Variants in DOCK3 observed in about 807,000 individuals in gnomAD.
DOCK3 encodes dedicator of cytokinesis 3.
Under a neutral mutation model 265.6 loss-of-function variants are expected in DOCK3, and 60 were observed. The observed-to-expected ratio is 0.23, with a 90% CI of 0.18 to 0.28. The LOEUF (loss-of-function observed/expected upper bound fraction) is 0.28, where lower values mean the gene tolerates loss of function less well. Ranked by LOEUF, DOCK3 falls within the 10% of genes least tolerant of loss-of-function variation. DOCK3 has a pLI of 1.00. For synonymous variants in DOCK3, 881 were observed against 938.0 expected (o/e 0.94, Z 1.11); for missense variants, 1,981 against 2,594.3 (o/e 0.76, Z 5.14).
At chr3:50,945,296 G>T (rs945221768) in intron 5 of DOCK3, among the ~76,000 whole-genome samples, 1 of 152,048 alleles carries the variant, frequency 6.6e-6, no homozygotes, top group Non-Finnish European at 1.5e-5. Context: ...ATTTAAGTGG[G>T]TATGTATGAT....
chr3:50,739,122 A>G (rs1220682106), intron 1 of DOCK3, among the ~76,000 whole-genome samples: 1 of 152,148 alleles, frequency 6.6e-6, no homozygotes, highest in Non-Finnish European at 1.5e-5. Flanking sequence ...TCTCTAATCT[A>G]CTAGTTTCCT....
At chr3:51,355,969 C>A in intron 41 of DOCK3, 120 bp from the exon 42 acceptor site, 1 of 1,290,068 alleles carries the variant, frequency 7.8e-7, no homozygotes, top group Non-Finnish European at 1.1e-6. Context: ...GCCTCCCCTA[C>A]TGGGCTGTCA....
rs1034933420 is a variant in DOCK3, at chr3:51,326,265, T to A, written c.3403-3873T>A. ...AAGCTCCTAATTTTATTTTTTTTAA[T>A]TTTTTTTTTTTTTGAGACGGAGTCT... On this transcript the variant is annotated intron_variant, in intron 32 of 52. Coordinates refer to ENST00000266037, the MANE Select transcript of DOCK3 (RefSeq NM_004947.5). Among the ~76,000 whole-genome samples, 15 of 2,138 alleles carry A rather than the reference T, an allele frequency of 7.0e-3. No individual in the cohort carries two copies. The African/African-American group carries it at 0.08, about 11-fold the overall frequency. 1.4% of individuals were successfully genotyped at this position (2,138 alleles called of 152,430 possible).
In DOCK3 at chr3:51,361,754, G is replaced by C. The variant is rs2086753086; in HGVS notation, c.5007-105G>C. The C allele has an allele frequency of 6.9e-7, 1 of 1,445,992 alleles. No individual in the cohort carries two copies. Among genetic ancestry groups the C allele is most frequent in the Non-Finnish European group, 9.3e-7 (1 of 1,074,844 alleles). The allele number at this position is 1,445,992 out of a possible 1,614,324, so 89.6% of individuals were successfully genotyped here. A position where few individuals can be genotyped will look rare whatever the true frequency, so the allele number is the denominator to read the frequency against. ...ATTGACTATGGAACCCTCCAAACCG[G>C]TGGTAGCTGAAACCAGGGATGACTA... On this transcript the variant is annotated intron_variant, in intron 47 of 52. Coordinates refer to ENST00000266037, the MANE Select transcript of DOCK3 (RefSeq NM_004947.5). The surrounding 1 kb of genome is among the most constrained non-coding windows in gnomAD (Gnocchi z 4.2).
At chr3:51,304,434 A>C (rs1314291843) in intron 27 of DOCK3, among the ~76,000 whole-genome samples, 2 of 150,534 alleles carry the variant, frequency 1.3e-5, no homozygotes, top group Non-Finnish European at 3.0e-5. Context: ...CAGGATGATG[A>C]CCTCCCCTCC....
intron 3 of DOCK3, among the ~76,000 whole-genome samples, chr3:50,871,055 T>G (rs939161824): frequency 1.8e-4 from 27 of 152,242 alleles, no homozygotes; most frequent in African/African-American, 5.1e-4. Flanking sequence ...GTTACAGTTT[T>G]ATATATAATA....
chr3:51,363,560 A>G (rs907628559), intron 49 of DOCK3, among the ~76,000 whole-genome samples: 5 of 152,238 alleles, frequency 3.3e-5, no homozygotes, highest in Non-Finnish European at 7.3e-5. Flanking sequence ...CTATGTATAC[A>G]TGTGCCATGT....
chr3:51,249,320 G>A (rs1461621787), intron 22 of DOCK3, among the ~76,000 whole-genome samples: 7 of 146,890 alleles, frequency 4.8e-5, no homozygotes, highest in African/African-American at 1.8e-4. Flanking sequence ...CCGTCCGGGA[G>A]GGAGGTGGGG....
intron 21 of DOCK3, among the ~76,000 whole-genome samples, chr3:51,241,731 T>C (rs938980010): frequency 1.3e-5 from 2 of 152,218 alleles, no homozygotes; most frequent in Non-Finnish European, 2.9e-5. Context: ...ATACTTGCAA[T>C]TGCATTCTGA....
rs60885870 is a variant in DOCK3 at position 50,855,379 on chromosome 3, ATGTTG to A, written c.162+13689_162+13693del. Among the ~76,000 whole-genome samples the A allele has an allele frequency of 1.3e-3, 197 of 151,576 alleles. 1 individual carries two copies. The highest frequency in any genetic ancestry group is 6.8e-3 in the Middle Eastern group (2 of 294). ...GTATTCCTAGGTATTGTATTGTATT[ATGTTG>A]TGTTGTGTTGTGTTGTGTTGTGTTT... On this transcript the variant is annotated intron_variant, in intron 3 of 52. Transcript: ENST00000266037.
At chr3:51,072,091 T>C (rs1387570689) in intron 6 of DOCK3, among the ~76,000 whole-genome samples, 1 of 152,228 alleles carries the variant, frequency 6.6e-6, no homozygotes, top group Admixed American at 6.5e-5. Flanking sequence ...CACTCTGCTC[T>C]CAAGAGAGGA....
At chr3:50,875,904 G>A (rs2047680360) in intron 3 of DOCK3, among the ~76,000 whole-genome samples, 1 of 150,426 alleles carries the variant, frequency 6.6e-6, no homozygotes, top group East Asian at 2.0e-4. Flanking sequence ...TCGCCTGTTC[G>A]CTGTTGAGAT....
At chr3:51,136,742 C>T (rs774525544) in intron 9 of DOCK3, among the ~76,000 whole-genome samples, 1 of 151,890 alleles carries the variant, frequency 6.6e-6, no homozygotes, top group African/African-American at 2.4e-5. Context: ...TAGAAAGAAC[C>T]CTTGCATTAT....
Position 50,933,962 on chromosome 3 carries a change from T to C in DOCK3, c.219-19T>C. On this transcript the variant is annotated intron_variant, in intron 4 of 52. Transcript: ENST00000266037. The stretch of plus-strand genomic sequence containing the variant: ...TTTTTCAGAGATAATGTGGCTGTCT[T>C]TTGTGGCTCTGGTTCTAGGCAGTAT... 1 of 1,528,904 alleles carries C rather than the reference T, an allele frequency of 6.5e-7. No homozygotes were observed. The highest frequency in any genetic ancestry group is 8.9e-7 in the Non-Finnish European group (1 of 1,126,708). The allele number at this position is 1,528,904 out of a possible 1,614,324, so 94.7% of individuals were successfully genotyped here.
chr3:50,937,890 A>T (rs1282203532), intron 5 of DOCK3, among the ~76,000 whole-genome samples: 1 of 152,126 alleles, frequency 6.6e-6, no homozygotes, highest in African/African-American at 2.4e-5. Context: ...AAAATGGCAG[A>T]CTTAAATCCT....
intron 17 of DOCK3, 140 bp downstream of exon 17, chr3:51,228,228 T>G: frequency 1.3e-6 from 1 of 791,090 alleles, no homozygotes; most frequent in South Asian, 1.7e-5. Context: ...GTGGGACATC[T>G]GTGGGCAGGC....
intron 52 of DOCK3, 73 bp from the exon 53 acceptor site, chr3:51,380,977 T>C: frequency 6.7e-7 from 1 of 1,500,938 alleles, no homozygotes; most frequent in South Asian, 1.3e-5. Flanking sequence ...AGCAGGCTCT[T>C]GGTCTTCCTA....
chr3:50,751,563 A>G (rs1418795775), intron 1 of DOCK3, among the ~76,000 whole-genome samples: 1 of 152,200 alleles, frequency 6.6e-6, no homozygotes, highest in African/African-American at 2.4e-5. Context: ...GTTAACTGAG[A>G]TTCATAGTAG....
At chr3:50,936,133 G>A (rs1361535924) in intron 5 of DOCK3, among the ~76,000 whole-genome samples, 1 of 151,930 alleles carries the variant, frequency 6.6e-6, no homozygotes, top group African/African-American at 2.4e-5. Context: ...GAAAATGATA[G>A]AACTGAAATC....
Sources: gnomAD v4.1 joint callset for allele counts (sites outside exome capture counted in the v4.1 genomes callset) on GRCh38, gnomAD v4.1.1 for gene constraint, Gnocchi (gnomAD v3.1) non-coding constraint, MANE v1.5 for transcripts, NCBI Gene and HGNC (gene_info 2026-07-23, HGNC 2026-07-21) for gene names.